MAX: variants seen among roughly 807,000 people sequenced by gnomAD.
MAX encodes the protein MYC associated transcriptional regulator X, also known as protein max.
A neutral mutation model predicts 22.3 loss-of-function variants in MAX; 3 were observed. The ratio of observed to expected loss-of-function variants is 0.13; its 90% confidence interval spans 0.06 to 0.35. MAX has a LOEUF of 0.35. Among genes scored for constraint, MAX ranks in the 10% least tolerant of loss-of-function variants. The pLI is 1.00. For missense variants in MAX, 119 were observed against 209.4 expected, an observed-to-expected ratio of 0.57 and a Z score of 2.66; for synonymous variants, 72 against 77.7, an observed-to-expected ratio of 0.93 and a Z score of 0.39.
At chr14:65,091,570 T>C (rs1230172229) in intron 3 of MAX, among the ~76,000 whole-genome samples, 1 of 152,174 alleles carries the variant, frequency 6.6e-6, no homozygotes, top group Non-Finnish European at 1.5e-5. Flanking sequence ...TGGCCTCTGT[T>C]TTCCCTGCCT....
Position 65,084,183 on chromosome 14 carries a change from A to T in MAX, c.172-6147T>A. 1 of 1,614,010 alleles carries T rather than the reference A, an allele frequency of 6.2e-7. No homozygotes were observed. The highest frequency in any genetic ancestry group is 1.1e-5 in the South Asian group (1 of 91,084). On this transcript the variant is annotated intron_variant, in intron 3 of 4. Transcript: ENST00000358664. The surrounding 1 kb of genome is among the most constrained non-coding windows in gnomAD (Gnocchi z 4.3). The stretch of plus-strand genomic sequence containing the variant: ...AAGGGGTCAAAACAATCATTTTTTA[A>T]ATCTTGCATTCTTTTTTCTTGTGCA...
chr14:65,054,567 C>T lies in MAX; in HGVS notation c.171+39141G>A, dbSNP rs760773195. The T allele has an allele frequency of 6.2e-7, 1 of 1,611,474 alleles. No homozygotes were observed. Among genetic ancestry groups the T allele is most frequent in the Non-Finnish European group, 8.5e-7 (1 of 1,178,896 alleles). ...GGAGCGCCTGCTCAGAGCTGCCTGT[C>T]CTTACAGGTCGCGTGATTTCTACCA... On this transcript the variant is annotated intron_variant, in intron 3 of 3. Coordinates refer to the MAX transcript ENST00000341653. This position sits in a 1 kb window ranked among gnomAD's most constrained non-coding sequence, Gnocchi z 4.4.
intron 3 of MAX, among the ~76,000 whole-genome samples, chr14:65,015,142 G>T (rs372015985): frequency 6.8e-6 from 1 of 146,682 alleles, no homozygotes; most frequent in Non-Finnish European, 1.5e-5. Context: ...TTGCTCTGTC[G>T]CCTAGGCTGG....
In MAX at chr14:65,031,793, C is replaced by T. The variant is rs757428370; in HGVS notation, c.172-25509G>A. ...AAAATAAGCCAGGCATGGTGGCATG[C>T]GCCTGTAATCCCAGCTACTTGGGAG... On this transcript the variant is annotated intron_variant, in intron 3 of 3. Coordinates refer to the MAX transcript ENST00000341653. This position sits in a 1 kb window ranked among gnomAD's most constrained non-coding sequence, Gnocchi z 4.6. Among the ~76,000 whole-genome samples, 5 of 151,952 alleles carry T rather than the reference C, an allele frequency of 3.3e-5. No homozygotes were observed. Among genetic ancestry groups the T allele is most frequent in the Admixed American group, 6.6e-5 (1 of 15,264 alleles).
At chr14:65,070,195 T>A (rs60156701), downstream of MAX, among the ~76,000 whole-genome samples, 928 of 152,320 alleles carry the variant, frequency 6.1e-3, 11 homozygotes, top group African/African-American at 0.021. This position sits in a 1 kb window ranked among gnomAD's most constrained non-coding sequence, Gnocchi z 4.4. Flanking sequence ...AGAAGTAGGC[T>A]TTCTGGAGAG....
At chr14:65,074,658 A>C (rs2063019814), downstream of MAX, among the ~76,000 whole-genome samples, 2 of 152,242 alleles carry the variant, frequency 1.3e-5, no homozygotes, top group Non-Finnish European at 2.9e-5. Flanking sequence ...GAGTAGAGCT[A>C]ACTCGGTGCA....
intron 1 of MAX, 198 bp from the exon 2 acceptor site, chr14:65,101,770 G>A (rs1419417507): frequency 3.6e-6 from 2 of 562,040 alleles, no homozygotes; most frequent in Admixed American, 3.2e-5. Flanking sequence ...GAGGGGTCCC[G>A]AGCGCCGCCC....
At chr14:65,064,670 T>C (rs1042096434) in intron 3 of MAX, among the ~76,000 whole-genome samples, 5 of 152,250 alleles carry the variant, frequency 3.3e-5, no homozygotes, top group South Asian at 2.1e-4. Flanking sequence ...AGTGCACCAA[T>C]TGGCCAAAGT....
At chr14:65,050,104 G>A (rs1187479398) in intron 3 of MAX, among the ~76,000 whole-genome samples, 1 of 152,136 alleles carries the variant, frequency 6.6e-6, no homozygotes, top group African/African-American at 2.4e-5. Flanking sequence ...GCAAGTATAA[G>A]AAAAAGCTAG....
intron 3 of MAX, among the ~76,000 whole-genome samples, chr14:65,042,379 G>A (rs1398051745): frequency 6.6e-6 from 1 of 152,210 alleles, no homozygotes; most frequent in African/African-American, 2.4e-5. Flanking sequence ...ATGGGAGACA[G>A]TGACAGATCA....
chr14:65,032,542 G>A lies in MAX; in HGVS notation c.172-26258C>T. ...ACTAGGCAAGGCGAGCAGTCCGCCC[G>A]CGGAGTTCACTGAGCCTCATTAGCT... On this transcript the variant is annotated intron_variant, in intron 3 of 3. Coordinates refer to the MAX transcript ENST00000341653. This position sits in a 1 kb window ranked among gnomAD's most constrained non-coding sequence, Gnocchi z 5.0. The A allele has an allele frequency of 2.5e-6, 4 of 1,572,410 alleles. No homozygotes were observed. Among genetic ancestry groups the A allele is most frequent in the African/African-American group, 1.4e-5 (1 of 73,854 alleles).
At chr14:65,094,055 C>G in intron 2 of MAX, 1 of 535,706 alleles carries the variant, frequency 1.9e-6, no homozygotes, top group Non-Finnish European at 3.4e-6. Flanking sequence ...CCAGCTCATG[C>G]ATAAGTAAAA....
intron 2 of MAX, among the ~76,000 whole-genome samples, chr14:65,096,469 A>G (rs1300033045): frequency 6.6e-6 from 1 of 152,236 alleles, no homozygotes; most frequent in Non-Finnish European, 1.5e-5. Context: ...CACAAGGCTG[A>G]GAATTCTCTG....
At chr14:65,074,535 CA>C (rs1405405876), downstream of MAX, among the ~76,000 whole-genome samples, 2 of 152,234 alleles carry the variant, frequency 1.3e-5, no homozygotes, top group Non-Finnish European at 2.9e-5. Context: ...GGTCTAGGAA[CA>C]GCAGTATTTC....
At position 65,009,194 on chromosome 14, in the gene MAX, C is replaced by T. The variant is rs868193553; in HGVS notation, c.172-2910G>A. On this transcript the variant is annotated intron_variant, in intron 3 of 3. Coordinates refer to the MAX transcript ENST00000341653. The surrounding 1 kb of genome is among the most constrained non-coding windows in gnomAD (Gnocchi z 4.2). ...TTAGTCAGCTTGGGCTGCCATAAGACGGTATCACAGATGGGGTGCATTAAA... is the reference window on the plus strand; with the variant it reads ...TTAGTCAGCTTGGGCTGCCATAAGATGGTATCACAGATGGGGTGCATTAAA... Among the ~76,000 whole-genome samples, 5 of 152,116 alleles carry T rather than the reference C, an allele frequency of 3.3e-5. No individual in the cohort carries two copies. Among genetic ancestry groups the T allele is most frequent in the South Asian group, 4.1e-4 (2 of 4,820 alleles).
At chr14:65,040,249 ATATATATATG>A (rs527946937) in intron 3 of MAX, among the ~76,000 whole-genome samples, 67 of 146,748 alleles carry the variant, frequency 4.6e-4, no homozygotes, top group South Asian at 3.4e-3. Context: ...GGTTATCACT[ATATATATATG>A]TATATATATG....
At position 65,027,296 on chromosome 14, in the gene MAX, T is replaced by C; in HGVS notation, c.172-21012A>G. On this transcript the variant is annotated intron_variant, in intron 3 of 3. Transcript: ENST00000341653. The surrounding 1 kb of genome is among the most constrained non-coding windows in gnomAD (Gnocchi z 5.7). ...GATAGCTGGAGAGAGAATTAAGCCC[T>C]TTGGGGAGAGGTTATATTCAACAAG... The C allele has an allele frequency of 8.5e-7, 1 of 1,171,760 alleles. No homozygotes were observed. 72.6% of individuals were successfully genotyped at this position (1,171,760 alleles called of 1,614,324 possible). A position where few individuals can be genotyped will look rare whatever the true frequency, so the allele number is the denominator to read the frequency against.
intron 3 of MAX, among the ~76,000 whole-genome samples, chr14:65,039,632 C>T (rs970786701): frequency 4.6e-5 from 7 of 152,074 alleles, no homozygotes; most frequent in Admixed American, 2.0e-4. Context: ...CTCTATTCTA[C>T]TAAGTCAGTT....
At chr14:65,100,189 T>C (rs778360806) in intron 2 of MAX, among the ~76,000 whole-genome samples, 52 of 152,160 alleles carry the variant, frequency 3.4e-4, no homozygotes, top group Non-Finnish European at 1.0e-4. Context: ...TGGTGGCTCA[T>C]GCCTGTAATC....
Sources: allele counts gnomAD v4.1 joint callset (sites outside exome capture counted in the v4.1 genomes callset), GRCh38; gene constraint gnomAD v4.1.1; non-coding constraint Gnocchi (gnomAD v3.1); transcripts MANE v1.5; gene names NCBI Gene and HGNC (gene_info 2026-07-23, HGNC 2026-07-21).